The following SLC12A2 variants were observed in gnomAD, a reference collection of about 807,000 sequenced individuals.
SLC12A2 encodes solute carrier family 12 member 2.
Under a neutral mutation model 136.3 loss-of-function variants are expected in SLC12A2, and 67 were observed. That is an observed-to-expected ratio of 0.49 (90% CI 0.40 to 0.60). The LOEUF (loss-of-function observed/expected upper bound fraction) is 0.60, where lower values mean the gene tolerates loss of function less well. SLC12A2 is among the 20% of genes least tolerant of loss of function. The probability of loss-of-function intolerance (pLI) is 0.00; values close to 1 mark genes in which losing one functional copy is unlikely to be tolerated. For missense variants in SLC12A2, 1,322 were observed against 1,534.7 expected (o/e 0.86, Z 2.32); for synonymous variants, 619 against 562.9 (o/e 1.10, Z -1.41).
chr5:128,111,677 A>C (rs1416536685), intron 1 of SLC12A2, among the ~76,000 whole-genome samples: 1 of 151,634 alleles, frequency 6.6e-6, no homozygotes, highest in East Asian at 1.9e-4. Flanking sequence ...AGGCAGGAGA[A>C]TGGCATGAAC....
chr5:128,135,709 G>C lies in SLC12A2; in HGVS notation c.1309G>C (p.Val437Leu). 6.2e-7 allele frequency: 1 copy of C among 1,603,982 alleles called. No individual in the cohort carries two copies. The highest frequency in any genetic ancestry group is 8.5e-7 in the Non-Finnish European group (1 of 1,171,580). ...GMEWEAKAQI[V>L]LLVILLLAIG... ...ATGTTTAAAATTGCAGGCTCAGATT[G>C]TTCTTTTGGTGATCCTACTTCTTGC... Residue 437 changes from valine to leucine, a missense_variant, in exon 7 of 27, where the codon GTT becomes CTT. Coordinates refer to ENST00000262461, the MANE Select transcript of SLC12A2 (RefSeq NM_001046.3).
Position 128,141,812 on chromosome 5 carries a change from T to TA in SLC12A2, c.1622-18_1622-17insA. The TA allele has an allele frequency of 6.2e-7, 1 of 1,604,588 alleles. No homozygotes were observed. Among genetic ancestry groups the TA allele is most frequent in the South Asian group, 1.1e-5 (1 of 89,530 alleles). The stretch of plus-strand genomic sequence containing the variant: ...GTAGATATTAACTATATTATTCTTG[T>TA]TGTCACTTGTGCTTTAGGTTCTTGT... On this transcript the variant is annotated splice_polypyrimidine_tract_variant and intron_variant, in intron 9 of 26. Coordinates refer to ENST00000262461, the MANE Select transcript of SLC12A2 (RefSeq NM_001046.3).
intron 4 of SLC12A2, among the ~76,000 whole-genome samples, chr5:128,122,468 ATT>A (rs1343986321): frequency 2.6e-5 from 4 of 152,238 alleles, no homozygotes; most frequent in Non-Finnish European, 4.4e-5. Flanking sequence ...GTAATGCAAC[ATT>A]GTGGTTAGTC....
chr5:128,119,296 G>A (rs1198588136), intron 4 of SLC12A2, among the ~76,000 whole-genome samples: 1 of 152,070 alleles, frequency 6.6e-6, no homozygotes, highest in Non-Finnish European at 1.5e-5. Context: ...GAATTAATGA[G>A]GAAATAAATT....
rs533475213 is a variant in SLC12A2, at chr5:128,130,030, A to G, written c.1049-1037A>G. Among the ~76,000 whole-genome samples the G allele has an allele frequency of 5.5e-5, 8 of 146,412 alleles. No individual in the cohort carries two copies. The South Asian group carries it at 1.7e-3, about 32-fold the overall frequency. ...GAATACCATTATATGCTCTTGTGAGACTTTGTTTTTTTTTTTTGGTCTTGG... is the reference window on the plus strand; with the variant it reads ...GAATACCATTATATGCTCTTGTGAGGCTTTGTTTTTTTTTTTTGGTCTTGG... On this transcript the variant is annotated intron_variant, in intron 4 of 26. Coordinates refer to ENST00000262461, the MANE Select transcript of SLC12A2 (RefSeq NM_001046.3).
At chr5:128,105,256 G>A (rs767325445) in intron 1 of SLC12A2, among the ~76,000 whole-genome samples, 4 of 152,166 alleles carry the variant, frequency 2.6e-5, no homozygotes, top group Non-Finnish European at 4.4e-5. Flanking sequence ...AACCTAAGCC[G>A]TCACTTACGA....
At position 128,084,590 on chromosome 5, in the gene SLC12A2, C is replaced by T. The variant is rs763454663; in HGVS notation, c.636C>T (p.Thr212=). ...ACACCAACACCTACTACCTGCGCAC[C>T]TTCGGCCACAACACCATGGACGCTG... ...DTHTNTYYLR[T]FGHNTMDAVP... Residue 212 remains threonine (T), a synonymous_variant, in exon 1 of 27, where the codon ACC becomes ACT. Transcript: ENST00000262461. The surrounding 1 kb of genome is among the most constrained non-coding windows in gnomAD (Gnocchi z 5.6). The T allele has an allele frequency of 3.7e-6, 6 of 1,613,710 alleles. No homozygotes were observed. In the Admixed American group the frequency reaches 5.0e-5, roughly 13 times the overall value.
intron 15 of SLC12A2, among the ~76,000 whole-genome samples, chr5:128,153,214 A>G (rs1236994781): frequency 6.6e-6 from 1 of 152,268 alleles, no homozygotes; most frequent in Non-Finnish European, 1.5e-5. Flanking sequence ...TGCTTATACT[A>G]AAGAGCATTT....
intron 9 of SLC12A2, 67 bp from the exon 10 acceptor site, chr5:128,141,763 T>C: frequency 7.5e-7 from 1 of 1,328,242 alleles, no homozygotes; most frequent in Non-Finnish European, 1.0e-6. Flanking sequence ...AATATATATA[T>C]GTATATAAAA....
In SLC12A2 at chr5:128,171,451, A is replaced by G. The variant is rs534919346; in HGVS notation, c.2724-216A>G. 3.9e-5 allele frequency among the ~76,000 whole-genome samples: 6 copies of G among 152,326 alleles called. 1 individual carries two copies. The South Asian group carries it at 1.2e-3, about 32-fold the overall frequency. ...ATAATGTCAGTACAACAAAGATCTA[A>G]AAAGTAGTTTTCAAGGGTATTACAG... On this transcript the variant is annotated intron_variant, in intron 18 of 26. Transcript: ENST00000262461.
At position 128,178,635 on chromosome 5, in the gene SLC12A2, C is replaced by A. The variant is rs955262224; in HGVS notation, c.3046C>A (p.Gln1016Lys). 6 of 1,601,732 alleles carry A rather than the reference C, an allele frequency of 3.7e-6. No individual in the cohort carries two copies. In the African/African-American group the frequency reaches 8.1e-5, roughly 22 times the overall value. Reference protein sequence around the residue: ...QKLLEASTQFQKKQGKNTIDV... With the variant: ...QKLLEASTQFKKKQGKNTIDV... ...GCTTCTTGAAGCTAGTACACAGTTT[C>A]AGAAAAAACAAGGAAAGAATACTAT... The change falls in exon 22 of 27, where the codon CAG becomes AAG. Residue 1016 changes from glutamine (Q) to lysine (K), a missense_variant. Physicochemically the swap from Gln to Lys is moderately conservative, Grantham distance 53. Coordinates refer to ENST00000262461, the MANE Select transcript of SLC12A2 (RefSeq NM_001046.3).
intron 10 of SLC12A2, 127 bp from the exon 11 acceptor site, chr5:128,147,492 CGTT>C (rs959135091): frequency 2.6e-5 from 15 of 581,610 alleles, no homozygotes; most frequent in South Asian, 9.0e-5. Context: ...ATGCACATAG[CGTT>C]GTTGTTATTA....
intron 1 of SLC12A2, among the ~76,000 whole-genome samples, chr5:128,093,369 T>C (rs1414978820): frequency 1.3e-5 from 2 of 152,182 alleles, no homozygotes; most frequent in East Asian, 3.8e-4. Flanking sequence ...CTACATCATC[T>C]GTAGTCCAAT....
intron 20 of SLC12A2, among the ~76,000 whole-genome samples, chr5:128,174,973 G>A (rs1269344256): frequency 6.6e-6 from 1 of 151,946 alleles, no homozygotes; most frequent in Non-Finnish European, 1.5e-5. Context: ...TCTGAATTTG[G>A]AAAGAACATG....
chr5:128,172,676 T>C (rs1228790016), intron 19 of SLC12A2, among the ~76,000 whole-genome samples: 4 of 152,174 alleles, frequency 2.6e-5, no homozygotes, highest in African/African-American at 9.7e-5. Context: ...TTATAAAAAC[T>C]ATGGCTGGGC....
At position 128,138,776 on chromosome 5, in the gene SLC12A2, T is replaced by C. The variant is rs374038319; in HGVS notation, c.1537-48T>C. ...TTATATATTTTAAAAGTGGAATTTG[T>C]ATATTTATTTTTACAGATAGACTTT... On this transcript the variant is annotated intron_variant, in intron 8 of 26. Coordinates refer to ENST00000262461, the MANE Select transcript of SLC12A2 (RefSeq NM_001046.3). The C allele has an allele frequency of 3.9e-5, 62 of 1,598,506 alleles. No homozygotes were observed. In the African/African-American group the frequency reaches 4.6e-4, roughly 12 times the overall value.
chr5:128,144,499 AT>A (rs1412268171), intron 10 of SLC12A2, among the ~76,000 whole-genome samples: 1 of 152,126 alleles, frequency 6.6e-6, no homozygotes, highest in Non-Finnish European at 1.5e-5. Context: ...TTGCTCTTAA[AT>A]TTTAAATTGT....
At chr5:128,092,484 A>T (rs149310769) in intron 1 of SLC12A2, among the ~76,000 whole-genome samples, 6 of 152,330 alleles carry the variant, frequency 3.9e-5, no homozygotes, top group Non-Finnish European at 7.3e-5. Flanking sequence ...TAAGGTCTTT[A>T]TCAGTGCTGT....
At position 128,134,706 on chromosome 5, in the gene SLC12A2, G is replaced by A. The variant is rs574809220; in HGVS notation, c.1299+431G>A. Among the ~76,000 whole-genome samples, 59 of 152,184 alleles carry A rather than the reference G, an allele frequency of 3.9e-4. 1 individual carries two copies. The South Asian group carries it at 0.012, about 31-fold the overall frequency. On this transcript the variant is annotated intron_variant, in intron 6 of 26. Transcript: ENST00000262461. ...AATTTCAGAAGTTAGGACTACCAAA[G>A]CCAGTATCATTGTTTCTGGAAAAAA... is the stretch of plus-strand genomic sequence containing the variant.
Sources: allele counts gnomAD v4.1 joint callset (sites outside exome capture counted in the v4.1 genomes callset), GRCh38; gene constraint gnomAD v4.1.1; non-coding constraint Gnocchi (gnomAD v3.1); transcripts MANE v1.5; gene names NCBI Gene and HGNC (gene_info 2026-07-23, HGNC 2026-07-21).